Variants in FOXP2 observed in about 807,000 individuals in gnomAD.
FOXP2 encodes forkhead box P2.
In FOXP2, 12 loss-of-function variants were observed where a neutral mutation model predicts 115.8. The ratio of observed to expected loss-of-function variants is 0.10; its 90% CI spans 0.07 to 0.17. The LOEUF is 0.17. Ranked by LOEUF, FOXP2 falls within the 10% of genes least tolerant of loss-of-function variation. The pLI is 1.00. For missense variants in FOXP2, 629 were observed against 843.5 expected, an observed-to-expected ratio of 0.75 and a Z score of 3.15; for synonymous variants, 328 against 297.7, an observed-to-expected ratio of 1.10 and a Z score of -1.05.
chr7:114,285,159 C>G (rs576351273), intron 1 of FOXP2, among the ~76,000 whole-genome samples: 2 of 152,144 alleles, frequency 1.3e-5, no homozygotes, highest in Non-Finnish European at 2.9e-5. Context: ...TACCCCTGAA[C>G]TTAAAGTTTA....
intron 2 of FOXP2, among the ~76,000 whole-genome samples, chr7:114,368,942 A>G (rs1791942634): frequency 6.6e-6 from 1 of 152,176 alleles, no homozygotes; most frequent in African/African-American, 2.4e-5. Context: ...TCATTTTCAC[A>G]CGGCTTAGCT....
At chr7:114,526,370 G>A (rs748073843) in intron 2 of FOXP2, among the ~76,000 whole-genome samples, 14 of 150,756 alleles carry the variant, frequency 9.3e-5, no homozygotes, top group African/African-American at 2.7e-4. Context: ...CCAGATACTC[G>A]GGAGGCCGAG....
chr7:114,186,687 G>A (rs186649598), intron 1 of FOXP2, among the ~76,000 whole-genome samples: 2 of 152,282 alleles, frequency 1.3e-5, no homozygotes, highest in Non-Finnish European at 2.9e-5. Flanking sequence ...CTCCGTCCCT[G>A]GGGCAGTTCT....
chr7:114,387,555 G>C (rs989209189), intron 2 of FOXP2, among the ~76,000 whole-genome samples: 1 of 152,138 alleles, frequency 6.6e-6, no homozygotes, highest in Non-Finnish European at 1.5e-5. Flanking sequence ...GGCCAAATAA[G>C]TGTATGCTTT....
chr7:114,511,274 T>G (rs1584828586), intron 2 of FOXP2, among the ~76,000 whole-genome samples: 1 of 151,996 alleles, frequency 6.6e-6, no homozygotes, highest in African/African-American at 2.4e-5. Flanking sequence ...TTGATGGGTG[T>G]AGCAAACCAC....
intron 1 of FOXP2, among the ~76,000 whole-genome samples, chr7:114,419,418 G>A (rs1336447281): frequency 2.0e-5 from 3 of 151,888 alleles, no homozygotes; most frequent in Admixed American, 2.0e-4. Context: ...TACATGTTGT[G>A]TGTTAATACA....
intron 16 of FOXP2, among the ~76,000 whole-genome samples, chr7:114,673,627 A>T (rs1239259768): frequency 6.6e-6 from 1 of 152,206 alleles, no homozygotes; most frequent in Non-Finnish European, 1.5e-5. Flanking sequence ...GTTGATATAC[A>T]TATATATGCA....
At chr7:114,206,819 C>T (rs1794213267) in intron 1 of FOXP2, among the ~76,000 whole-genome samples, 2 of 152,156 alleles carry the variant, frequency 1.3e-5, no homozygotes, top group East Asian at 1.9e-4. Context: ...ACATAATTCA[C>T]TTAGCATAAA....
intron 7 of FOXP2, 43 bp from the exon 8 acceptor site, chr7:114,644,642 T>C (rs769128489): frequency 1.3e-6 from 2 of 1,545,048 alleles, no homozygotes; most frequent in South Asian, 1.1e-5. Flanking sequence ...GCAACGATTA[T>C]AGCTTTTTGA....
chr7:114,325,807 G>A (rs1163264825), intron 2 of FOXP2, among the ~76,000 whole-genome samples: 1 of 151,880 alleles, frequency 6.6e-6, no homozygotes, highest in Non-Finnish European at 1.5e-5. Context: ...AATTAAAGGA[G>A]GCAACATATT....
At chr7:114,161,321 T>C (rs1386922126), upstream of FOXP2, among the ~76,000 whole-genome samples, 2 of 152,202 alleles carry the variant, frequency 1.3e-5, no homozygotes, top group Admixed American at 1.3e-4. Flanking sequence ...TGTTTTTATT[T>C]CACCTTGAAA....
At chr7:114,368,406 T>A (rs978396358) in intron 2 of FOXP2, among the ~76,000 whole-genome samples, 1 of 152,186 alleles carries the variant, frequency 6.6e-6, no homozygotes, top group Non-Finnish European at 1.5e-5. Flanking sequence ...ATTTTGAAAC[T>A]ATAGATCATT....
At chr7:114,355,690 A>G (rs1236421192) in intron 2 of FOXP2, among the ~76,000 whole-genome samples, 1 of 152,190 alleles carries the variant, frequency 6.6e-6, no homozygotes, top group Non-Finnish European at 1.5e-5. Context: ...ATCTGGGAGT[A>G]CAAACCTGAT....
intron 2 of FOXP2, among the ~76,000 whole-genome samples, chr7:114,377,676 T>A (rs370653081): frequency 6.6e-6 from 1 of 152,192 alleles, no homozygotes; most frequent in African/African-American, 2.4e-5. Flanking sequence ...AGTCATAGGA[T>A]CTTAGGTATG....
intron 2 of FOXP2, among the ~76,000 whole-genome samples, chr7:114,493,316 A>G (rs1797156243): frequency 6.6e-6 from 1 of 152,050 alleles, no homozygotes; most frequent in African/African-American, 2.4e-5. Context: ...TGCACGTGAG[A>G]TGGGTTTCCT....
At chr7:114,091,080 A>G (rs1799533964) in intron 1 of FOXP2, among the ~76,000 whole-genome samples, 1 of 151,870 alleles carries the variant, frequency 6.6e-6, no homozygotes, top group African/African-American at 2.4e-5. Context: ...TCTTGCAGAT[A>G]TTCTTTCCTG....
intron 1 of FOXP2, among the ~76,000 whole-genome samples, chr7:114,259,789 C>T (rs1795702601): frequency 6.6e-6 from 1 of 152,110 alleles, no homozygotes; most frequent in African/African-American, 2.4e-5. Flanking sequence ...TCTAAATTAT[C>T]ACTCATAAGA....
intron 2 of FOXP2, among the ~76,000 whole-genome samples, chr7:114,326,932 G>GA (rs1237866979): frequency 1.3e-5 from 2 of 152,240 alleles, no homozygotes; most frequent in Non-Finnish European, 2.9e-5. Context: ...TCCTTCAAAT[G>GA]ACCTACATTT....
chr7:114,666,330 ATT>A (rs1313695231), intron 16 of FOXP2: 2 of 152,086 alleles, frequency 1.3e-5, no homozygotes, highest in Non-Finnish European at 2.9e-5. Flanking sequence ...CTTGCAGAAT[ATT>A]GAGTCAATAT....
Sources: gnomAD v4.1 joint callset for allele counts (sites outside exome capture counted in the v4.1 genomes callset) on GRCh38, gnomAD v4.1.1 for gene constraint, MANE v1.5 for transcripts, NCBI Gene and HGNC (gene_info 2026-07-23, HGNC 2026-07-21) for gene names.